IL1RAPL1: variants seen among roughly 807,000 people sequenced by gnomAD.
The protein encoded by IL1RAPL1 is interleukin-1 receptor accessory protein-like 1.
A neutral mutation model predicts 48.4 loss-of-function variants in IL1RAPL1; 3 were observed. The ratio of observed to expected loss-of-function variants is 0.06; its 90% CI spans 0.03 to 0.16. The LOEUF is 0.16. Among genes scored for constraint, IL1RAPL1 ranks in the 10% least tolerant of loss-of-function variants. IL1RAPL1 has a pLI of 1.00. For synonymous variants in IL1RAPL1, 185 were observed against 187.7 expected (o/e 0.99, Z 0.12); for missense variants, 349 against 530.6 (o/e 0.66, Z 3.36).
chrX:29,948,393 G>A (rs188152401), intron 9 of IL1RAPL1, among the ~76,000 whole-genome samples: 4 of 111,664 alleles, frequency 3.6e-5, no homozygotes, highest in Non-Finnish European at 5.7e-5. Flanking sequence ...GCCAGAGGTT[G>A]TCATAGCAGA....
intron 6 of IL1RAPL1, among the ~76,000 whole-genome samples, chrX:29,910,449 C>T (rs1447216712): frequency 9.0e-6 from 1 of 110,871 alleles, no homozygotes; most frequent in Non-Finnish European, 1.9e-5. Flanking sequence ...ACTGTGAGTC[C>T]CATTGTATAT....
chrX:29,016,986 A>C (rs73208091), intron 2 of IL1RAPL1, among the ~76,000 whole-genome samples: 1 of 111,468 alleles, frequency 9.0e-6, no homozygotes, highest in Non-Finnish European at 1.9e-5. Context: ...AAAGTACTAC[A>C]TTATACTTTT....
chrX:28,959,096 AAAGT>A (rs944663559), intron 2 of IL1RAPL1, among the ~76,000 whole-genome samples: 4 of 111,705 alleles, frequency 3.6e-5, no homozygotes, highest in African/African-American at 6.5e-5. Flanking sequence ...TTGAAATGAA[AAAGT>A]AAGGACAAAT....
At position 28,771,190 on chromosome X, in the gene IL1RAPL1, G is replaced by C. The variant is rs745999651; in HGVS notation, c.-24-18130G>C. Among the ~76,000 whole-genome samples the C allele has an allele frequency of 4.5e-5, 5 of 111,588 alleles. No homozygotes were observed. In the South Asian group the frequency reaches 1.9e-3, roughly 42 times the overall value. ...CTGTCTCTTTGAGAGGCCAATAGAAGTTTCTACCATCTCCACTGTCATACC... is the reference window on the plus strand; with the variant it reads ...CTGTCTCTTTGAGAGGCCAATAGAACTTTCTACCATCTCCACTGTCATACC... On this transcript the variant is annotated intron_variant, in intron 1 of 10. Coordinates refer to ENST00000378993, the MANE Select transcript of IL1RAPL1 (RefSeq NM_014271.4).
At chrX:29,608,821 G>A (rs1196317833) in intron 5 of IL1RAPL1, among the ~76,000 whole-genome samples, 3 of 109,421 alleles carry the variant, frequency 2.7e-5, no homozygotes, top group Admixed American at 9.7e-5. Flanking sequence ...GCGAGACTCC[G>A]TCTCAAAAAA....
intron 2 of IL1RAPL1, among the ~76,000 whole-genome samples, chrX:29,010,283 T>A (rs192775460): frequency 8.9e-6 from 1 of 112,056 alleles, no homozygotes; most frequent in East Asian, 2.8e-4. Flanking sequence ...AGTACTATGC[T>A]GAACAGGTGT....
intron 2 of IL1RAPL1, among the ~76,000 whole-genome samples, chrX:28,901,821 G>A (rs1170502173): frequency 2.7e-5 from 3 of 111,784 alleles, no homozygotes; most frequent in Non-Finnish European, 5.6e-5. Context: ...AGCCTTTCTT[G>A]TATAGCTCAA....
At chrX:28,750,024 C>G (rs1482776630) in intron 1 of IL1RAPL1, among the ~76,000 whole-genome samples, 1 of 108,757 alleles carries the variant, frequency 9.2e-6, no homozygotes, top group African/African-American at 3.4e-5. Flanking sequence ...ACGATCTCTG[C>G]TTACTGCAAC....
chrX:29,548,795 T>A (rs909766028), intron 5 of IL1RAPL1, among the ~76,000 whole-genome samples: 3 of 111,958 alleles, frequency 2.7e-5, no homozygotes, highest in African/African-American at 9.7e-5. Flanking sequence ...TTCATAATGA[T>A]TTATCTCAGT....
chrX:29,674,328 A>G (rs909080995), intron 6 of IL1RAPL1, among the ~76,000 whole-genome samples: 2 of 111,552 alleles, frequency 1.8e-5, no homozygotes, highest in Non-Finnish European at 3.8e-5. Context: ...TGGGAGGCTG[A>G]GGTAGGAGGA....
chrX:29,870,295 G>A (rs1001190402), intron 6 of IL1RAPL1, among the ~76,000 whole-genome samples: 4 of 112,046 alleles, frequency 3.6e-5, no homozygotes, highest in Non-Finnish European at 7.5e-5. Flanking sequence ...CTAGCTGCCT[G>A]CAGCCAGGGG....
At chrX:29,489,797 C>G (rs1315609819) in intron 5 of IL1RAPL1, among the ~76,000 whole-genome samples, 1 of 111,625 alleles carries the variant, frequency 9.0e-6, no homozygotes, top group Non-Finnish European at 1.9e-5. Flanking sequence ...CTAGTATAGG[C>G]TTAATACTAT....
rs757458624 is a variant in IL1RAPL1 at position 29,619,173 on chromosome X, G to A, written c.704-49257G>A. ...GAAATCTATTCCCCTTCGATTTAGT[G>A]CTTGGGTTTGTATATTCCGATGAAC... On this transcript the variant is annotated intron_variant, in intron 5 of 10. Transcript: ENST00000378993. Among the ~76,000 whole-genome samples, 9 of 111,715 alleles carry A rather than the reference G, an allele frequency of 8.1e-5. No homozygotes were observed. The South Asian group carries it at 3.4e-3, about 42-fold the overall frequency.
At chrX:29,188,115 A>G (rs1430680489) in intron 2 of IL1RAPL1, among the ~76,000 whole-genome samples, 1 of 111,862 alleles carries the variant, frequency 8.9e-6, no homozygotes, top group Non-Finnish European at 1.9e-5. Context: ...GGAGCCTGCA[A>G]TACTTACAGC....
chrX:29,806,333 T>C (rs1034290676), intron 6 of IL1RAPL1, among the ~76,000 whole-genome samples: 1 of 111,324 alleles, frequency 9.0e-6, no homozygotes, highest in Non-Finnish European at 1.9e-5. Flanking sequence ...AGATTTCAAA[T>C]GGAGGTATAT....
chrX:29,727,381 C>G (rs1302537116), intron 6 of IL1RAPL1, among the ~76,000 whole-genome samples: 1 of 111,907 alleles, frequency 8.9e-6, no homozygotes, highest in Non-Finnish European at 1.9e-5. Context: ...TCCTACTGCG[C>G]TTTATTAAAT....
chrX:28,901,596 C>T (rs1023175433), intron 2 of IL1RAPL1, among the ~76,000 whole-genome samples: 1 of 111,594 alleles, frequency 9.0e-6, no homozygotes, highest in Non-Finnish European at 1.9e-5. Flanking sequence ...GTCTCTTGCC[C>T]ACCATCTGAA....
At chrX:29,333,694 T>C (rs1265183785) in intron 3 of IL1RAPL1, among the ~76,000 whole-genome samples, 1 of 74,662 alleles carries the variant, frequency 1.3e-5, no homozygotes, top group Non-Finnish European at 2.5e-5. Context: ...ACTGGGTGGC[T>C]GGCCGGGCGG....
At chrX:29,345,585 T>C (rs1451437717) in intron 3 of IL1RAPL1, among the ~76,000 whole-genome samples, 1 of 111,964 alleles carries the variant, frequency 8.9e-6, no homozygotes, top group Non-Finnish European at 1.9e-5. Flanking sequence ...ATCTTCTTTT[T>C]ACTTTGCTTA....
Sources: allele counts gnomAD v4.1 joint callset (sites outside exome capture counted in the v4.1 genomes callset), GRCh38; gene constraint gnomAD v4.1.1; transcripts MANE v1.5; gene names NCBI Gene and HGNC (gene_info 2026-07-23, HGNC 2026-07-21).